CDH13: variants seen among roughly 807,000 people sequenced by gnomAD.
CDH13 encodes the protein cadherin 13, also known as cadherin-13.
A neutral mutation model predicts 63.8 loss-of-function variants in CDH13; 24 were observed. The ratio of observed to expected loss-of-function variants is 0.38; its 90% CI spans 0.27 to 0.53. The LOEUF is 0.53. Ranked by LOEUF, CDH13 falls within the 20% of genes least tolerant of loss-of-function variation. The pLI is 0.85. For missense variants in CDH13, 1,049 were observed against 903.1 expected, an observed-to-expected ratio of 1.16 and a Z score of -2.07; for synonymous variants, 503 against 355.3, an observed-to-expected ratio of 1.42 and a Z score of -4.67.
chr16:83,032,432 T>C, intron 3 of CDH13: 1 of 549,604 alleles, frequency 1.8e-6, no homozygotes, highest in Non-Finnish European at 3.3e-6. Context: ...CGTGGATTAA[T>C]TCATGGAACT....
chr16:83,359,942 G>A (rs548743628), intron 6 of CDH13, among the ~76,000 whole-genome samples: 39 of 152,282 alleles, frequency 2.6e-4, no homozygotes, highest in South Asian at 1.9e-3. Context: ...ATTAGACGTC[G>A]TTCCTTATAG....
intron 3 of CDH13, among the ~76,000 whole-genome samples, chr16:83,048,628 C>T (rs1426375063): frequency 6.6e-6 from 1 of 152,156 alleles, no homozygotes; most frequent in Admixed American, 6.5e-5. Context: ...TTCCCTTTTC[C>T]ATCTCTGAGT....
intron 10 of CDH13, among the ~76,000 whole-genome samples, chr16:83,707,072 G>A (rs1410992237): frequency 6.6e-6 from 1 of 152,196 alleles, no homozygotes; most frequent in Non-Finnish European, 1.5e-5. Flanking sequence ...ATCTACTCTG[G>A]ACATTTGCAG....
At chr16:83,189,314 G>T (rs1178927545) in intron 4 of CDH13, among the ~76,000 whole-genome samples, 3 of 152,088 alleles carry the variant, frequency 2.0e-5, no homozygotes, top group Non-Finnish European at 4.4e-5. Context: ...GGATTACTTT[G>T]CCCCCAGTCT....
At chr16:83,445,561 G>A (rs930696987) in intron 6 of CDH13, among the ~76,000 whole-genome samples, 2 of 152,106 alleles carry the variant, frequency 1.3e-5, no homozygotes, top group African/African-American at 2.4e-5. Flanking sequence ...CCACAAAGGC[G>A]CAACCAGAAG....
chr16:82,954,984 A>G (rs1416863698), intron 2 of CDH13, among the ~76,000 whole-genome samples: 1 of 152,192 alleles, frequency 6.6e-6, no homozygotes, highest in Non-Finnish European at 1.5e-5. Flanking sequence ...TGCATTGCCA[A>G]ATAATATTCC....
chr16:82,849,612 A>T (rs527402444), intron 1 of CDH13, among the ~76,000 whole-genome samples: 2 of 152,382 alleles, frequency 1.3e-5, no homozygotes, highest in Admixed American at 1.3e-4. Context: ...AGGCGGATAC[A>T]TTAAATAATA....
chr16:83,177,828 C>T (rs1003072513), intron 4 of CDH13, among the ~76,000 whole-genome samples: 3 of 152,178 alleles, frequency 2.0e-5, no homozygotes, highest in South Asian at 2.1e-4. Context: ...GCACTTACCA[C>T]AATGATAATT....
intron 7 of CDH13, among the ~76,000 whole-genome samples, chr16:83,576,422 T>C (rs527668804): frequency 6.6e-6 from 1 of 152,234 alleles, no homozygotes; most frequent in East Asian, 1.9e-4. Context: ...TTATGGACAT[T>C]TGGCACTGTT....
chr16:82,872,804 C>T (rs1016764699), intron 2 of CDH13, among the ~76,000 whole-genome samples: 3 of 152,154 alleles, frequency 2.0e-5, no homozygotes, highest in African/African-American at 7.2e-5. Flanking sequence ...GAGTCCCTAC[C>T]ACTCATTTAG....
At chr16:83,222,512 A>T (rs1266435163) in intron 5 of CDH13, among the ~76,000 whole-genome samples, 1 of 152,158 alleles carries the variant, frequency 6.6e-6, no homozygotes, top group Non-Finnish European at 1.5e-5. Flanking sequence ...TAAGTGATTA[A>T]CCTGGTTATA....
At position 82,990,132 on chromosome 16, in the gene CDH13, C is replaced by T. The variant is rs563446120; in HGVS notation, c.158-41878C>T. The stretch of plus-strand genomic sequence containing the variant: ...TCCCCTTGAAACAACTTACCTTTAT[C>T]TGTGTTCCAACCCCAATCTGTTGCG... On this transcript the variant is annotated intron_variant, in intron 2 of 13. Coordinates refer to ENST00000567109, the MANE Select transcript of CDH13 (RefSeq NM_001257.5). The T allele has an allele frequency of 2.6e-5, 4 of 152,064 alleles. No homozygotes were observed. In the East Asian group the frequency reaches 5.8e-4, roughly 22 times the overall value. 9.4% of individuals were successfully genotyped at this position (152,064 alleles called of 1,614,324 possible).
chr16:82,984,805 G>T (rs2151391269), intron 2 of CDH13, among the ~76,000 whole-genome samples: 1 of 152,232 alleles, frequency 6.6e-6, no homozygotes, highest in African/African-American at 2.4e-5. Flanking sequence ...CACATACTAT[G>T]CTATGTGTGT....
intron 2 of CDH13, among the ~76,000 whole-genome samples, chr16:82,879,218 G>T (rs564516846): frequency 6.6e-6 from 1 of 152,004 alleles, no homozygotes; most frequent in African/African-American, 2.4e-5. Context: ...TTGGATGCCA[G>T]CTCTAATACT....
chr16:83,657,994 C>G (rs767874485), intron 8 of CDH13, among the ~76,000 whole-genome samples: 3 of 148,806 alleles, frequency 2.0e-5, no homozygotes, highest in Middle Eastern at 3.4e-3. Flanking sequence ...GTCCCATATC[C>G]TCACCAGCAA....
At chr16:83,252,104 T>TACACACACA in intron 5 of CDH13, among the ~76,000 whole-genome samples, 1 of 12,894 alleles carries the variant, frequency 7.8e-5, no homozygotes, top group South Asian at 2.2e-3. Context: ...TATATATATA[T>TACACACACA]TATACACACA....
intron 6 of CDH13, among the ~76,000 whole-genome samples, chr16:83,364,429 T>C (rs897784803): frequency 1.3e-5 from 2 of 152,156 alleles, no homozygotes; most frequent in Non-Finnish European, 2.9e-5. Flanking sequence ...GAGAAATAGA[T>C]AAAGGAGTTC....
intron 5 of CDH13, among the ~76,000 whole-genome samples, chr16:83,295,800 C>T (rs1397140746): frequency 1.3e-5 from 2 of 152,024 alleles, no homozygotes; most frequent in Admixed American, 1.3e-4. Flanking sequence ...TCATATGATT[C>T]AACAATCTCA....
At chr16:82,976,487 C>T (rs1013225475) in intron 2 of CDH13, among the ~76,000 whole-genome samples, 4 of 152,098 alleles carry the variant, frequency 2.6e-5, no homozygotes, top group Admixed American at 1.3e-4. Flanking sequence ...TCCAGTTATC[C>T]TCATCATAGA....
Sources: allele counts gnomAD v4.1 joint callset (sites outside exome capture counted in the v4.1 genomes callset), GRCh38; gene constraint gnomAD v4.1.1; transcripts MANE v1.5; gene names NCBI Gene and HGNC (gene_info 2026-07-23, HGNC 2026-07-21).